PCDH15: variants seen among roughly 807,000 people sequenced by gnomAD.
PCDH15 encodes protocadherin-15.
A neutral mutation model predicts 178.5 loss-of-function variants in PCDH15; 129 were observed. The observed-to-expected ratio is 0.72, with a 90% confidence interval of 0.63 to 0.84. PCDH15 has a LOEUF of 0.84. Among genes scored for constraint, PCDH15 ranks in the 40% least tolerant of loss-of-function variants. The probability of loss-of-function intolerance (pLI) is 0.00; values close to 1 mark genes in which losing one functional copy is unlikely to be tolerated. For missense variants in PCDH15, 2,230 were observed against 2,099.9 expected, an observed-to-expected ratio of 1.06 and a Z score of -1.21; for synonymous variants, 800 against 732.0, an observed-to-expected ratio of 1.09 and a Z score of -1.50.
intron 15 of PCDH15, among the ~76,000 whole-genome samples, chr10:54,098,093 A>G (rs2094733144): frequency 6.6e-6 from 1 of 152,100 alleles, no homozygotes; most frequent in Admixed American, 6.6e-5. Flanking sequence ...AAACAAAACA[A>G]AACAAACAAA....
chr10:55,253,300 A>T (rs1756402200), intron 1 of PCDH15, among the ~76,000 whole-genome samples: 1 of 151,700 alleles, frequency 6.6e-6, no homozygotes, highest in African/African-American at 2.4e-5. Flanking sequence ...AGTTTAACCA[A>T]ACCAAATATT....
At chr10:53,917,189 A>C (rs2083598005) in intron 25 of PCDH15, among the ~76,000 whole-genome samples, 1 of 152,196 alleles carries the variant, frequency 6.6e-6, no homozygotes, top group Non-Finnish European at 1.5e-5. Context: ...AAATTTATAG[A>C]AAATTTATTT....
chr10:54,503,582 A>T (rs1446580209), intron 3 of PCDH15, among the ~76,000 whole-genome samples: 1 of 151,874 alleles, frequency 6.6e-6, no homozygotes, highest in Admixed American at 6.6e-5. Context: ...ACTGAGGTGA[A>T]ACTAAACCAA....
chr10:53,933,431 T>G (rs1589493613), intron 25 of PCDH15, among the ~76,000 whole-genome samples: 1 of 152,156 alleles, frequency 6.6e-6, no homozygotes, highest in East Asian at 1.9e-4. Flanking sequence ...GTGTTTGGTT[T>G]TTTGTCCTTG....
intron 2 of PCDH15, among the ~76,000 whole-genome samples, chr10:54,568,294 G>A (rs2089320449): frequency 6.6e-6 from 1 of 151,756 alleles, no homozygotes; most frequent in Non-Finnish European, 1.5e-5. Flanking sequence ...CTCATGCACT[G>A]CATCACTTTC....
intron 2 of PCDH15, among the ~76,000 whole-genome samples, chr10:54,549,255 T>G (rs2086261531): frequency 6.6e-6 from 1 of 151,638 alleles, no homozygotes; most frequent in Non-Finnish European, 1.5e-5. Flanking sequence ...AGATAGATGC[T>G]TATTTTGTTG....
chr10:54,001,998 T>A (rs1030253776), intron 20 of PCDH15, among the ~76,000 whole-genome samples: 1 of 150,830 alleles, frequency 6.6e-6, no homozygotes, highest in African/African-American at 2.4e-5. Context: ...TATATAATGA[T>A]AAATGTATCA....
intron 8 of PCDH15, among the ~76,000 whole-genome samples, chr10:54,301,959 A>G (rs975996102): frequency 2.6e-5 from 4 of 152,204 alleles, no homozygotes; most frequent in Admixed American, 1.3e-4. Flanking sequence ...TGGTGGTTAT[A>G]GTGACTACAC....
At chr10:55,521,601 C>T (rs1279520368) in intron 2 of PCDH15, among the ~76,000 whole-genome samples, 3 of 151,802 alleles carry the variant, frequency 2.0e-5, no homozygotes. Flanking sequence ...TTTATCTGTC[C>T]ACAGATACTT....
chr10:54,899,021 G>T (rs987311412), intron 2 of PCDH15, among the ~76,000 whole-genome samples: 4 of 152,112 alleles, frequency 2.6e-5, no homozygotes, highest in African/African-American at 9.7e-5. Context: ...CTTAAGTCAT[G>T]CAGCACATTC....
intron 15 of PCDH15, among the ~76,000 whole-genome samples, chr10:54,118,780 T>TTA (rs1376205070): frequency 1.3e-5 from 2 of 151,580 alleles, no homozygotes; most frequent in East Asian, 3.9e-4. Flanking sequence ...TTATTTTTAT[T>TTA]TTTTTTTGTC....
intron 1 of PCDH15, among the ~76,000 whole-genome samples, chr10:54,771,992 A>G (rs1013544123): frequency 1.3e-5 from 2 of 152,214 alleles, no homozygotes; most frequent in Non-Finnish European, 2.9e-5. Flanking sequence ...AATTAAGTGC[A>G]ATGCAAAACA....
chr10:54,813,279 CATGGAGCAGA>C, intron 3 of PCDH15, among the ~76,000 whole-genome samples: 1 of 152,178 alleles, frequency 6.6e-6, no homozygotes. Context: ...TGAGGTTTCC[CATGGAGCAGA>C]TGATGCCCAA....
At chr10:54,304,338 G>A (rs1213889224) in intron 8 of PCDH15, among the ~76,000 whole-genome samples, 1 of 152,042 alleles carries the variant, frequency 6.6e-6, no homozygotes, top group Non-Finnish European at 1.5e-5. Context: ...CTATGACTTT[G>A]TTGTTGTTTA....
At position 54,267,328 on chromosome 10, in the gene PCDH15, G is replaced by A. The variant is rs182893217; in HGVS notation, c.877-30397C>T. Among the ~76,000 whole-genome samples the A allele has an allele frequency of 2.0e-5, 3 of 151,752 alleles. No homozygotes were observed. The East Asian group carries it at 5.8e-4, about 29-fold the overall frequency. ...AACCCAGTCTACATTATACTAAATAGGCAAAAGTTGGAGGAATTCTCATAA... is the reference window on the plus strand; with the variant it reads ...AACCCAGTCTACATTATACTAAATAAGCAAAAGTTGGAGGAATTCTCATAA... On this transcript the variant is annotated intron_variant, in intron 8 of 37. Transcript: ENST00000644397.
intron 3 of PCDH15, among the ~76,000 whole-genome samples, chr10:54,425,987 C>T (rs1471601918): frequency 1.3e-5 from 2 of 152,124 alleles, no homozygotes; most frequent in Non-Finnish European, 2.9e-5. Flanking sequence ...GAGCCTTCCA[C>T]ATTAATCTCT....
chr10:55,387,122 G>A (rs1362421896), intron 2 of PCDH15, among the ~76,000 whole-genome samples: 1 of 152,014 alleles, frequency 6.6e-6, no homozygotes, highest in African/African-American at 2.4e-5. Flanking sequence ...ACTAAAGTAA[G>A]AAGAACAAAA....
rs1589000738 is a variant in PCDH15 at position 53,833,633 on chromosome 10, T to G, written c.3984-2100A>C. On this transcript the variant is annotated intron_variant, in intron 29 of 37. Transcript: ENST00000644397. The stretch of plus-strand genomic sequence containing the variant: ...ATTTTTAAACATATTCAGATACTAT[T>G]CAAAGAAACATGGCTACCTTTTCAT... Among the ~76,000 whole-genome samples the G allele has an allele frequency of 3.3e-5, 5 of 152,230 alleles. 1 individual carries two copies. The East Asian group carries it at 9.7e-4, about 29-fold the overall frequency.
At chr10:54,742,645 G>A (rs999762814) in intron 1 of PCDH15, among the ~76,000 whole-genome samples, 1 of 151,950 alleles carries the variant, frequency 6.6e-6, no homozygotes, top group African/African-American at 2.4e-5. Context: ...TAAGGATTGT[G>A]GAGACTGACT....
Sources: gnomAD v4.1 joint callset for allele counts (sites outside exome capture counted in the v4.1 genomes callset) on GRCh38, gnomAD v4.1.1 for gene constraint, MANE v1.5 for transcripts, NCBI Gene and HGNC (gene_info 2026-07-23, HGNC 2026-07-21) for gene names.